The following ASCL5 variants were observed in gnomAD, a reference collection of about 807,000 sequenced individuals.
ASCL5 encodes achaete-scute homolog 5.
For synonymous variants in ASCL5, 124 were observed against 131.5 expected (o/e 0.94, Z 0.39); for missense variants, 262 against 268.9 (o/e 0.97, Z 0.18).
At position 201,119,115 on chromosome 1, in the gene ASCL5, G is replaced by A. The variant is rs539729084; in HGVS notation, c.-505-3238C>T. Among the ~76,000 whole-genome samples the A allele has an allele frequency of 7.9e-5, 12 of 152,364 alleles. No homozygotes were observed. The East Asian group carries it at 2.3e-3, about 29-fold the overall frequency. The stretch of plus-strand genomic sequence containing the variant: ...TAATTCCTGGAGGGGATGTCCCGCT[G>A]AAGATTCCAATTATAATGCTGTTAT... On this transcript the variant is annotated intron_variant, in intron 1 of 1. Coordinates refer to ENST00000449188, the MANE Select transcript of ASCL5 (RefSeq NM_001270601.2).
chr1:201,116,203 G>A (rs933217797), intron 1 of ASCL5, among the ~76,000 whole-genome samples: 4 of 152,210 alleles, frequency 2.6e-5, no homozygotes, highest in Non-Finnish European at 5.9e-5. Context: ...GTTTTGTCAT[G>A]TCCCTTGAGA....
At chr1:201,120,486 G>A (rs1269360432) in intron 1 of ASCL5, among the ~76,000 whole-genome samples, 1 of 152,120 alleles carries the variant, frequency 6.6e-6, no homozygotes, top group Non-Finnish European at 1.5e-5. Context: ...CAACCTGAGG[G>A]CCCTCTCCCC....
At position 201,118,432 on chromosome 1, in the gene ASCL5, C is replaced by T. The variant is rs143491605; in HGVS notation, c.-505-2555G>A. ...CCCAGGAGGCAGATGTTGCAGTGAG[C>T]TGAGGCTGCACCACTGCACTCCAGC... On this transcript the variant is annotated intron_variant, in intron 1 of 1. Coordinates refer to ENST00000449188, the MANE Select transcript of ASCL5 (RefSeq NM_001270601.2). Among the ~76,000 whole-genome samples, 708 of 150,832 alleles carry T rather than the reference C, an allele frequency of 4.7e-3. 6 individuals are homozygous for T. The highest frequency in any genetic ancestry group is 0.016 in the African/African-American group (656 of 40,764).
Position 201,114,707 on chromosome 1 carries a change from G to C in ASCL5, c.*45C>G. The C allele has an allele frequency of 8.1e-7, 1 of 1,229,020 alleles. No individual in the cohort carries two copies. Among genetic ancestry groups the C allele is most frequent in the Non-Finnish European group, 1.0e-6 (1 of 986,028 alleles). 76.1% of individuals were successfully genotyped at this position (1,229,020 alleles called of 1,614,324 possible). On this transcript the variant is annotated 3_prime_UTR_variant, in exon 2 of 2. Transcript: ENST00000449188. Reference sequence around the variant, plus strand: ...TCCCGCTGCTCCCGAAAGTGGGACGGGGCCGGCGGATCATCCTCCAAGCCG... The same window carrying C: ...TCCCGCTGCTCCCGAAAGTGGGACGCGGCCGGCGGATCATCCTCCAAGCCG...
intron 1 of ASCL5, among the ~76,000 whole-genome samples, chr1:201,118,332 T>C (rs1395250065): frequency 6.6e-6 from 1 of 151,934 alleles, no homozygotes. Flanking sequence ...ATTAAAAAAA[T>C]TAGCAGGGTT....
rs377289711 is a variant in ASCL5, at chr1:201,120,689, C to A, written c.-505-4812G>T. ...AGACAACATAATTCTACCTTTCAGGCTTTCCTCATTGTCTTTAGCAGGACT... is the reference window on the plus strand; with the variant it reads ...AGACAACATAATTCTACCTTTCAGGATTTCCTCATTGTCTTTAGCAGGACT... On this transcript the variant is annotated intron_variant, in intron 1 of 1. Coordinates refer to ENST00000449188, the MANE Select transcript of ASCL5 (RefSeq NM_001270601.2). Among the ~76,000 whole-genome samples, 24 of 152,334 alleles carry A rather than the reference C, an allele frequency of 1.6e-4. No individual in the cohort carries two copies. In the South Asian group the frequency reaches 5.0e-3, roughly 32 times the overall value.
chr1:201,123,318 T>C (rs932153014), intron 1 of ASCL5, among the ~76,000 whole-genome samples: 1 of 152,224 alleles, frequency 6.6e-6, no homozygotes, highest in African/African-American at 2.4e-5. Flanking sequence ...CCTGAGCTCC[T>C]TCAAGGAATC....
At chr1:201,122,663 T>A (rs1243243102) in intron 1 of ASCL5, among the ~76,000 whole-genome samples, 1 of 152,038 alleles carries the variant, frequency 6.6e-6, no homozygotes, top group Non-Finnish European at 1.5e-5. Context: ...TGTTACAGGA[T>A]CTCCTGGGGG....
chr1:201,120,067 C>G (rs1663420080), intron 1 of ASCL5, among the ~76,000 whole-genome samples: 2 of 152,234 alleles, frequency 1.3e-5, no homozygotes, highest in Non-Finnish European at 2.9e-5. Flanking sequence ...GCAAGCTACA[C>G]TGAGCTGTTA....
intron 1 of ASCL5, among the ~76,000 whole-genome samples, chr1:201,121,372 C>T (rs762531507): frequency 3.5e-4 from 53 of 152,034 alleles, no homozygotes; most frequent in Non-Finnish European, 1.9e-4. Flanking sequence ...TTTCGGAGGC[C>T]GAGGTGGGGG....
intron 1 of ASCL5, among the ~76,000 whole-genome samples, chr1:201,126,780 G>C (rs1435065976): frequency 6.6e-6 from 1 of 152,122 alleles, no homozygotes; most frequent in East Asian, 1.9e-4. Flanking sequence ...TCAGACCCAG[G>C]CCTAGCTCTC....
In ASCL5 at chr1:201,117,530, A is replaced by C. The variant is rs139706411; in HGVS notation, c.-505-1653T>G. Among the ~76,000 whole-genome samples the C allele has an allele frequency of 4.5e-3, 686 of 152,240 alleles. 4 individuals are homozygous for C. The highest frequency in any genetic ancestry group is 0.017 in the Middle Eastern group (5 of 294). The stretch of plus-strand genomic sequence containing the variant: ...CCTTCAAAGCCTCCCCGTTGCTTTC[A>C]AGAGAAGGTTCTAGAAAATGTCTCC... On this transcript the variant is annotated intron_variant, in intron 1 of 1. Coordinates refer to ENST00000449188, the MANE Select transcript of ASCL5 (RefSeq NM_001270601.2).
chr1:201,118,945 T>C lies in ASCL5; in HGVS notation c.-505-3068A>G, dbSNP rs113371382. On this transcript the variant is annotated intron_variant, in intron 1 of 1. Transcript: ENST00000449188. Reference sequence around the variant, plus strand: ...GAATTCATGAACTAATAAAGGTTAATCCACCACCTCAGTTTCCCACCTCTT... The same window carrying C: ...GAATTCATGAACTAATAAAGGTTAACCCACCACCTCAGTTTCCCACCTCTT... 8.5e-3 allele frequency among the ~76,000 whole-genome samples: 1,292 copies of C among 152,304 alleles called. 19 individuals carry two copies. Among genetic ancestry groups the C allele is most frequent in the African/African-American group, 0.029 (1,225 of 41,556 alleles).
intron 1 of ASCL5, among the ~76,000 whole-genome samples, chr1:201,124,957 G>T (rs906596185): frequency 6.6e-6 from 1 of 152,192 alleles, no homozygotes; most frequent in African/African-American, 2.4e-5. Context: ...TGTGCAGGCT[G>T]TCACTGGGAT....
intron 1 of ASCL5, among the ~76,000 whole-genome samples, chr1:201,121,130 A>C (rs977182950): frequency 3.9e-5 from 6 of 152,168 alleles, no homozygotes; most frequent in African/African-American, 1.4e-4. Context: ...TGGCCCTTGG[A>C]GGGCATGTTA....
At chr1:201,120,206 G>C (rs542159682) in intron 1 of ASCL5, among the ~76,000 whole-genome samples, 1 of 152,108 alleles carries the variant, frequency 6.6e-6, no homozygotes, top group East Asian at 1.9e-4. Context: ...TATTGTCAGC[G>C]GGGGTCTCCT....
Position 201,115,807 on chromosome 1 carries a change from C to G in ASCL5, c.-435G>C, listed in dbSNP as rs1438359163. 2 of 153,770 alleles carry G rather than the reference C, an allele frequency of 1.3e-5. No individual in the cohort carries two copies. The highest frequency in any genetic ancestry group is 3.8e-4 in the East Asian group (2 of 5,230). The allele number at this position is 153,770 out of a possible 1,614,324, so 9.5% of individuals were successfully genotyped here. A position where few individuals can be genotyped will look rare whatever the true frequency, so the allele number is the denominator to read the frequency against. On this transcript the variant is annotated 5_prime_UTR_variant, in exon 2 of 2. Coordinates refer to ENST00000449188, the MANE Select transcript of ASCL5 (RefSeq NM_001270601.2). ...GCGGCCTTCGGGATCCCCGGGCTGT[C>G]CGGGGTCCCCAAACTGATGGCTGCT...
intron 1 of ASCL5, among the ~76,000 whole-genome samples, chr1:201,119,344 A>G (rs943694692): frequency 6.6e-5 from 10 of 152,196 alleles, no homozygotes; most frequent in East Asian, 3.8e-4. Flanking sequence ...AGGAGGATCT[A>G]TCAGTAGCAG....
intron 1 of ASCL5, among the ~76,000 whole-genome samples, chr1:201,123,849 T>C (rs1663529024): frequency 6.6e-6 from 1 of 152,178 alleles, no homozygotes; most frequent in African/African-American, 2.4e-5. Flanking sequence ...ATAAAACTGC[T>C]CCGTACTTTG....
Sources: allele counts gnomAD v4.1 joint callset (sites outside exome capture counted in the v4.1 genomes callset), GRCh38; gene constraint gnomAD v4.1.1; transcripts MANE v1.5; gene names NCBI Gene and HGNC (gene_info 2026-07-23, HGNC 2026-07-21).